CDKAL1: variants seen among roughly 807,000 people sequenced by gnomAD.
CDKAL1 encodes threonylcarbamoyladenosine tRNA methylthiotransferase.
A neutral mutation model predicts 68.2 loss-of-function variants in CDKAL1; 32 were observed. That is an observed-to-expected ratio of 0.47 (90% CI 0.35 to 0.63). The LOEUF (loss-of-function observed/expected upper bound fraction) is 0.63, where lower values mean the gene tolerates loss of function less well. Among genes scored for constraint, CDKAL1 ranks in the 30% least tolerant of loss-of-function variants. The pLI is 0.00. For synonymous variants in CDKAL1, 234 were observed against 244.3 expected (o/e 0.96, Z 0.39); for missense variants, 606 against 696.7 (o/e 0.87, Z 1.47).
intron 9 of CDKAL1, among the ~76,000 whole-genome samples, chr6:20,951,157 G>A (rs964410453): frequency 2.0e-5 from 3 of 151,860 alleles, no homozygotes; most frequent in Non-Finnish European, 2.9e-5. Flanking sequence ...GTATGTTTGT[G>A]GTTATTTTTA....
In CDKAL1 at chr6:21,166,333, G is replaced by A. The variant is rs190060905; in HGVS notation, c.1300-31688G>A. Among the ~76,000 whole-genome samples the A allele has an allele frequency of 3.3e-3, 498 of 152,268 alleles. 2 individuals carry two copies. Among genetic ancestry groups the A allele is most frequent in the African/African-American group, 0.011 (455 of 41,552 alleles). On this transcript the variant is annotated intron_variant, in intron 13 of 15. Coordinates refer to ENST00000274695, the MANE Select transcript of CDKAL1 (RefSeq NM_017774.3). ...TTTATTCTGTAGGTAATGAGGGACCGTTAAAATGTTTCAGGTGATTAGATT... is the reference window on the plus strand; with the variant it reads ...TTTATTCTGTAGGTAATGAGGGACCATTAAAATGTTTCAGGTGATTAGATT...
Position 20,720,910 on chromosome 6 carries a change from T to C in CDKAL1, c.372-18609T>C, listed in dbSNP as rs190041140. ...TTTCACTTGAGATAATGACCTCCAG[T>C]TCCATCCATATTGCTGCAAATGACA... On this transcript the variant is annotated intron_variant, in intron 5 of 15. Transcript: ENST00000274695. Among the ~76,000 whole-genome samples the C allele has an allele frequency of 2.0e-5, 3 of 152,364 alleles. No homozygotes were observed. The East Asian group carries it at 5.8e-4, about 29-fold the overall frequency.
intron 9 of CDKAL1, among the ~76,000 whole-genome samples, chr6:20,877,851 G>A (rs1038420664): frequency 6.6e-6 from 1 of 152,090 alleles, no homozygotes; most frequent in African/African-American, 2.4e-5. Flanking sequence ...CTTAGGCTGG[G>A]AATTTTGGCC....
rs1392235292 is a variant in CDKAL1 at position 21,044,549 on chromosome 6, A to G, written c.1056-20499A>G. Reference sequence around the variant, plus strand: ...GCCCAAAACCCTTTCACAGATGCCAAAATTGTTATTAATAATGACATTATT... The same window carrying G: ...GCCCAAAACCCTTTCACAGATGCCAGAATTGTTATTAATAATGACATTATT... On this transcript the variant is annotated intron_variant, in intron 11 of 15. Transcript: ENST00000274695. Among the ~76,000 whole-genome samples, 14 of 152,204 alleles carry G rather than the reference A, an allele frequency of 9.2e-5. 1 individual carries two copies. The highest frequency in any genetic ancestry group is 9.2e-4 in the Admixed American group (14 of 15,284).
intron 9 of CDKAL1, among the ~76,000 whole-genome samples, chr6:20,928,382 C>A (rs528744386): frequency 2.6e-5 from 4 of 152,302 alleles, no homozygotes; most frequent in African/African-American, 9.6e-5. Flanking sequence ...TGTAATATCA[C>A]ATTTAAACAT....
At position 20,547,842 on chromosome 6, in the gene CDKAL1, TTTGATTAAG is replaced by T. The variant is rs200164700; in HGVS notation, c.174-748_174-740del. ...ATGCTTTAGGATGACGGTTTTTAAC[TTTGATTAAG>T]TTACTTATATCTGTAAGTTTTAAGG... On this transcript the variant is annotated intron_variant, in intron 3 of 15. Transcript: ENST00000274695. Among the ~76,000 whole-genome samples, 754 of 152,306 alleles carry T rather than the reference TTTGATTAAG, an allele frequency of 5.0e-3. 4 individuals are homozygous for T. The highest frequency in any genetic ancestry group is 0.02 in the South Asian group (96 of 4,830).
chr6:20,640,463 G>A (rs975012953), intron 4 of CDKAL1, among the ~76,000 whole-genome samples: 1 of 152,184 alleles, frequency 6.6e-6, no homozygotes, highest in African/African-American at 2.4e-5. Flanking sequence ...GTAGTTGTGA[G>A]AGTCTGCCTG....
chr6:21,154,899 A>G (rs776398185), intron 13 of CDKAL1, among the ~76,000 whole-genome samples: 3 of 152,074 alleles, frequency 2.0e-5, no homozygotes, highest in Non-Finnish European at 4.4e-5. Flanking sequence ...AGGCTGAGGC[A>G]GGGGAATCAC....
At chr6:20,930,455 CAAA>C (rs1185702906) in intron 9 of CDKAL1, among the ~76,000 whole-genome samples, 1 of 152,038 alleles carries the variant, frequency 6.6e-6, no homozygotes, top group Non-Finnish European at 1.5e-5. Flanking sequence ...ACTTTACTGT[CAAA>C]GAAGTAGTTT....
intron 9 of CDKAL1, among the ~76,000 whole-genome samples, chr6:20,951,957 CTTTT>C (rs10558500): frequency 8.7e-5 from 8 of 91,788 alleles, no homozygotes; most frequent in Admixed American, 2.5e-4. Context: ...TTTTCATTTT[CTTTT>C]TTTTTTTTTT....
rs1476813593 is a variant in CDKAL1 at position 21,149,462 on chromosome 6, A to T, written c.1299+40999A>T. ...CGCCTGGCCCCAAAAAACATTCTTA[A>T]ATGATGATTTATGTAATAAAAGTAC... is the stretch of plus-strand genomic sequence containing the variant. On this transcript the variant is annotated intron_variant, in intron 13 of 15. Transcript: ENST00000274695. Among the ~76,000 whole-genome samples the T allele has an allele frequency of 3.3e-5, 5 of 152,184 alleles. No homozygotes were observed. In the East Asian group the frequency reaches 9.7e-4, roughly 29 times the overall value.
intron 9 of CDKAL1, among the ~76,000 whole-genome samples, chr6:20,898,989 A>T (rs1160394680): frequency 6.6e-6 from 1 of 151,726 alleles, no homozygotes; most frequent in Non-Finnish European, 1.5e-5. Flanking sequence ...TGACTTGCTC[A>T]TGTTATATGA....
intron 9 of CDKAL1, among the ~76,000 whole-genome samples, chr6:20,897,153 TC>T (rs1761734343): frequency 6.6e-6 from 1 of 152,148 alleles, no homozygotes. Context: ...GAACAAGCTT[TC>T]TTGGGCTTCT....
In CDKAL1 at chr6:20,785,087, A is replaced by G. The variant is rs185669775; in HGVS notation, c.638+3822A>G. Among the ~76,000 whole-genome samples, 476 of 152,168 alleles carry G rather than the reference A, an allele frequency of 3.1e-3. 2 individuals carry two copies. The highest frequency in any genetic ancestry group is 0.011 in the African/African-American group (453 of 41,534). ...ACTCTCATCCTCTTGTATCCTTCACATTAGAGTAGAGTGTTGATCCTCGGT... is the reference window on the plus strand; with the variant it reads ...ACTCTCATCCTCTTGTATCCTTCACGTTAGAGTAGAGTGTTGATCCTCGGT... On this transcript the variant is annotated intron_variant, in intron 8 of 15. Coordinates refer to ENST00000274695, the MANE Select transcript of CDKAL1 (RefSeq NM_017774.3).
chr6:20,959,317 A>G lies in CDKAL1; in HGVS notation c.909+3732A>G, dbSNP rs558205503. ...CAAACATATATATTGTGAAAAAAAC[A>G]CTCTGGAATTGAAGAAATATACCTA... On this transcript the variant is annotated intron_variant, in intron 10 of 15. Transcript: ENST00000274695. Among the ~76,000 whole-genome samples, 3 of 152,232 alleles carry G rather than the reference A, an allele frequency of 2.0e-5. No individual in the cohort carries two copies. In the East Asian group the frequency reaches 5.8e-4, roughly 29 times the overall value.
intron 15 of CDKAL1, among the ~76,000 whole-genome samples, chr6:21,204,981 T>C (rs1434862694): frequency 6.6e-6 from 1 of 152,210 alleles, no homozygotes; most frequent in Non-Finnish European, 1.5e-5. Flanking sequence ...TAACTTCTAA[T>C]CTACTTTCCG....
chr6:20,932,816 A>T lies in CDKAL1; in HGVS notation c.743-22603A>T, dbSNP rs59909063. Among the ~76,000 whole-genome samples the T allele has an allele frequency of 1.4e-4, 22 of 152,330 alleles. No homozygotes were observed. The East Asian group carries it at 4.2e-3, about 29-fold the overall frequency. ...AGAACCTTTTTACTGATGAAATCAT[A>T]TAAGCCTCATAGAACCCTCCTAGGG... On this transcript the variant is annotated intron_variant, in intron 9 of 15. Transcript: ENST00000274695.
At chr6:20,921,818 G>T (rs1762969394) in intron 9 of CDKAL1, among the ~76,000 whole-genome samples, 1 of 152,214 alleles carries the variant, frequency 6.6e-6, no homozygotes, top group African/African-American at 2.4e-5. Flanking sequence ...ATGAGTAAGA[G>T]AATGCCATGT....
chr6:20,709,074 T>C (rs1771729605), intron 5 of CDKAL1, among the ~76,000 whole-genome samples: 1 of 152,116 alleles, frequency 6.6e-6, no homozygotes, highest in Non-Finnish European at 1.5e-5. Context: ...CTCTTTTTTT[T>C]ACGACTGTAT....
Sources: gnomAD v4.1 joint callset for allele counts (sites outside exome capture counted in the v4.1 genomes callset) on GRCh38, gnomAD v4.1.1 for gene constraint, MANE v1.5 for transcripts, NCBI Gene and HGNC (gene_info 2026-07-23, HGNC 2026-07-21) for gene names.